Variants in NTN1 observed in about 807,000 individuals in gnomAD.
NTN1 encodes netrin 1, also known as netrin-1.
Under a neutral mutation model 54.2 loss-of-function variants are expected in NTN1, and 11 were observed. The ratio of observed to expected loss-of-function variants is 0.20; its 90% CI spans 0.13 to 0.34. The LOEUF is 0.34. NTN1 is among the 10% of genes least tolerant of loss of function. The pLI is 1.00. For missense variants in NTN1, 740 were observed against 893.1 expected, an observed-to-expected ratio of 0.83 and a Z score of 2.18; for synonymous variants, 371 against 382.0, an observed-to-expected ratio of 0.97 and a Z score of 0.33.
At chr17:9,143,657 T>C (rs894230326) in intron 2 of NTN1, among the ~76,000 whole-genome samples, 10 of 152,190 alleles carry the variant, frequency 6.6e-5, no homozygotes, top group African/African-American at 2.4e-4. Context: ...CTTGACTGTG[T>C]TCTAGATGGT....
intron 2 of NTN1, among the ~76,000 whole-genome samples, chr17:9,128,686 C>G (rs1224842549): frequency 6.6e-6 from 1 of 152,142 alleles, no homozygotes; most frequent in Non-Finnish European, 1.5e-5. Flanking sequence ...TATACCGGGT[C>G]CCTGTGGTGT....
At position 9,162,857 on chromosome 17, in the gene NTN1, G is replaced by C; in HGVS notation, c.1063G>C (p.Glu355Gln). 6.2e-7 allele frequency: 1 copy of C among 1,613,976 alleles called. No individual in the cohort carries two copies. The highest frequency in any genetic ancestry group is 8.5e-7 in the Non-Finnish European group (1 of 1,179,918). Residue 355 changes from glutamate to glutamine, a missense_variant, in exon 3 of 7, where the codon GAG becomes CAG. Coordinates refer to ENST00000173229, the MANE Select transcript of NTN1 (RefSeq NM_004822.3). ...LHARRCRFNMELYKLSGRKSG... is the reference protein window; with the variant it reads ...LHARRCRFNMQLYKLSGRKSG... ...TGCCCGGCGCTGCCGCTTCAACATG[G>C]AGCTCTACAAGCTTTCGGGGCGCAA...
At position 9,241,883 on chromosome 17, in the gene NTN1, C is replaced by A. The variant is rs1311763454; in HGVS notation, c.*1915C>A. On this transcript the variant is annotated 3_prime_UTR_variant, in exon 7 of 7. Transcript: ENST00000173229. ...CCAGGGGCCACGCTGGCCCTCACTGCACTCCAGCTCTGCAGCCTACCCGCC... is the reference window on the plus strand; with the variant it reads ...CCAGGGGCCACGCTGGCCCTCACTGAACTCCAGCTCTGCAGCCTACCCGCC... 6.6e-6 allele frequency: 1 copy of A among 152,414 alleles called. No individual in the cohort carries two copies. The highest frequency in any genetic ancestry group is 1.9e-4 in the East Asian group (1 of 5,176). The allele number at this position is 152,414 out of a possible 1,614,324, so 9.4% of individuals were successfully genotyped here.
chr17:9,194,972 C>T (rs1449392944), intron 5 of NTN1, among the ~76,000 whole-genome samples: 1 of 152,282 alleles, frequency 6.6e-6, no homozygotes, highest in African/African-American at 2.4e-5. Context: ...TGCTTCTGAG[C>T]AGCCTGCACA....
intron 2 of NTN1, among the ~76,000 whole-genome samples, chr17:9,074,163 G>A (rs373444345): frequency 3.3e-5 from 5 of 152,324 alleles, no homozygotes; most frequent in South Asian, 2.1e-4. Context: ...CAGTGGTGCC[G>A]GCTCTCGCGA....
chr17:9,143,228 G>A (rs1275682449), intron 2 of NTN1, among the ~76,000 whole-genome samples: 3 of 152,222 alleles, frequency 2.0e-5, no homozygotes, highest in Non-Finnish European at 4.4e-5. Flanking sequence ...CCAGAGCCCG[G>A]GGCCTTGGCC....
rs1044069173 is a variant in NTN1 at position 9,243,584 on chromosome 17, C to CGG, written c.*3622_*3623dup. ...GACATTCCTGTGGGCCATGGCACACCGGGGGGGATCAAAATGTGTACTTGT... is the reference window on the plus strand; with the variant it reads ...GACATTCCTGTGGGCCATGGCACACCGGGGGGGGGATCAAAATGTGTACTTGT... On this transcript the variant is annotated 3_prime_UTR_variant, in exon 7 of 7. Coordinates refer to ENST00000173229, the MANE Select transcript of NTN1 (RefSeq NM_004822.3). 2.0e-5 allele frequency: 3 copies of CGG among 152,030 alleles called. No homozygotes were observed. The highest frequency in any genetic ancestry group is 6.6e-5 in the Admixed American group (1 of 15,264). 9.4% of individuals were successfully genotyped at this position (152,030 alleles called of 1,614,324 possible).
At chr17:9,176,987 C>G (rs979833139) in intron 3 of NTN1, 2 of 152,290 alleles carry the variant, frequency 1.3e-5, no homozygotes, top group Non-Finnish European at 2.9e-5. Context: ...CAGGAGTTGG[C>G]ACGGGGCAGC....
chr17:9,154,958 T>C (rs2092337116), intron 2 of NTN1, among the ~76,000 whole-genome samples: 1 of 152,116 alleles, frequency 6.6e-6, no homozygotes, highest in Middle Eastern at 3.4e-3. Context: ...TCCATTGAGT[T>C]CCAGTTCCAT....
At chr17:9,133,973 C>T (rs938977498) in intron 2 of NTN1, among the ~76,000 whole-genome samples, 11 of 137,152 alleles carry the variant, frequency 8.0e-5, no homozygotes, top group African/African-American at 3.0e-4. Flanking sequence ...GATGTGATCT[C>T]AGCTCACTGC....
At chr17:9,188,039 C>T (rs1218940842) in intron 5 of NTN1, among the ~76,000 whole-genome samples, 1 of 152,158 alleles carries the variant, frequency 6.6e-6, no homozygotes, top group Non-Finnish European at 1.5e-5. Flanking sequence ...TACAGGTTTT[C>T]CTTTTTGGGT....
At chr17:9,228,183 C>T (rs923452057) in intron 6 of NTN1, among the ~76,000 whole-genome samples, 5 of 152,138 alleles carry the variant, frequency 3.3e-5, no homozygotes, top group African/African-American at 4.8e-5. Context: ...GGCACACACA[C>T]GGTGTGGCCC....
chr17:9,240,098 C>T lies in NTN1; in HGVS notation c.*130C>T, dbSNP rs1906150009. 5.0e-6 allele frequency: 1 copy of T among 201,478 alleles called. No homozygotes were observed. Among genetic ancestry groups the T allele is most frequent in the African/African-American group, 2.4e-5 (1 of 41,002 alleles). 12.5% of individuals were successfully genotyped at this position (201,478 alleles called of 1,614,324 possible). On this transcript the variant is annotated 3_prime_UTR_variant, in exon 7 of 7. Coordinates refer to ENST00000173229, the MANE Select transcript of NTN1 (RefSeq NM_004822.3). ...AGGTGGGGGGAGGGAGGGGGCGGGG[C>T]CGCACGGCGCGGGGGGCGGGACCCT...
At chr17:9,051,669 A>G (rs2091960712) in intron 2 of NTN1, among the ~76,000 whole-genome samples, 1 of 152,044 alleles carries the variant, frequency 6.6e-6, no homozygotes, top group Admixed American at 6.6e-5. Context: ...CCATCACCTC[A>G]CGTAATTATT....
intron 5 of NTN1, among the ~76,000 whole-genome samples, chr17:9,185,610 C>A (rs974691016): frequency 9.9e-5 from 15 of 151,886 alleles, no homozygotes; most frequent in South Asian, 2.1e-4. Flanking sequence ...GCCGGGTAGG[C>A]CAGGAGGGAA....
intron 2 of NTN1, among the ~76,000 whole-genome samples, chr17:9,140,108 T>TA (rs1365930841): frequency 6.6e-6 from 1 of 152,194 alleles, no homozygotes; most frequent in African/African-American, 2.4e-5. Flanking sequence ...AGCTGCAGTT[T>TA]AATAAGTGAT....
In NTN1 at chr17:9,221,372, C is replaced by T. The variant is rs184443715; in HGVS notation, c.1486+130C>T. ...GACCCTGTGACCGATGGGAACTAGC[C>T]GGACGGATCCCACGCCTGGGAATTT... On this transcript the variant is annotated intron_variant, in intron 6 of 6. Coordinates refer to ENST00000173229, the MANE Select transcript of NTN1 (RefSeq NM_004822.3). This position sits in a 1 kb window ranked among gnomAD's most constrained non-coding sequence, Gnocchi z 4.5. 56 of 727,490 alleles carry T rather than the reference C, an allele frequency of 7.7e-5. No individual in the cohort carries two copies. The East Asian group carries it at 1.1e-3, about 14-fold the overall frequency. 45.1% of individuals were successfully genotyped at this position (727,490 alleles called of 1,614,324 possible).
intron 2 of NTN1, among the ~76,000 whole-genome samples, chr17:9,027,431 C>T (rs1425596078): frequency 2.0e-5 from 3 of 152,142 alleles, no homozygotes; most frequent in Non-Finnish European, 2.9e-5. Flanking sequence ...CACATAGCTA[C>T]TGGGTGGTGA....
At chr17:9,207,877 C>G (rs539133935) in intron 5 of NTN1, among the ~76,000 whole-genome samples, 3 of 152,222 alleles carry the variant, frequency 2.0e-5, no homozygotes, top group Non-Finnish European at 4.4e-5. Flanking sequence ...TCTGGTGCCA[C>G]TCAAACCCTC....
Sources: allele counts gnomAD v4.1 joint callset (sites outside exome capture counted in the v4.1 genomes callset), GRCh38; gene constraint gnomAD v4.1.1; non-coding constraint Gnocchi (gnomAD v3.1); transcripts MANE v1.5; gene names NCBI Gene and HGNC (gene_info 2026-07-23, HGNC 2026-07-21).